DCAF8L1: variants seen among roughly 807,000 people sequenced by gnomAD.
The protein encoded by DCAF8L1 is DDB1- and CUL4-associated factor 8-like protein 1.
For missense variants in DCAF8L1, 434 were observed against 481.6 expected, an observed-to-expected ratio of 0.90 and a Z score of 0.92; for synonymous variants, 217 against 186.8, an observed-to-expected ratio of 1.16 and a Z score of -1.32.
chrX:27,978,816 C>T lies in DCAF8L1; in HGVS notation c.*716G>A. Reference sequence around the variant, plus strand: ...TAGCTGGCCAGGAGCTCTGTGCCATCGTGGCTGTACACAATGCAGGTGATG... The same window carrying T: ...TAGCTGGCCAGGAGCTCTGTGCCATTGTGGCTGTACACAATGCAGGTGATG... On this transcript the variant is annotated 3_prime_UTR_variant, in exon 1 of 1. Coordinates refer to ENST00000441525, the MANE Select transcript of DCAF8L1 (RefSeq NM_001017930.2). 3.3e-6 allele frequency: 3 copies of T among 907,645 alleles called. No individual in the cohort carries two copies. The highest frequency in any genetic ancestry group is 4.1e-5 in the South Asian group (2 of 48,737). 74.8% of individuals were successfully genotyped at this position (907,645 alleles called of 1,213,427 possible).
Position 27,979,700 on chromosome X carries a change from G to A in DCAF8L1, c.1635C>T (p.Asn545=). 2 of 1,211,491 alleles carry A rather than the reference G, an allele frequency of 1.7e-6. No individual in the cohort carries two copies. Among genetic ancestry groups the A allele is most frequent in the East Asian group, 3.0e-5 (1 of 33,803 alleles). The part of the protein sequence containing the change: ...DNLNYTDSFD[N]RMLRFFVRHL... ...GACGCACGAAGAACCGAAGCATGCG[G>A]TTGTCAAACGAGTCCGTATAGTTCA... Residue 545 remains asparagine, a synonymous_variant, in exon 1 of 1, where the codon AAC becomes AAT. Coordinates refer to ENST00000441525, the MANE Select transcript of DCAF8L1 (RefSeq NM_001017930.2).
rs757330204 is a variant in DCAF8L1 at position 27,979,579 on chromosome X, T to C, written c.1756A>G (p.Thr586Ala). ...CGATCTTGGCCCTCCTCCTCGGATGTATCTGAGGTGCTGGAAGACTCATCC... is the reference window on the plus strand; with the variant it reads ...CGATCTTGGCCCTCCTCCTCGGATGCATCTGAGGTGCTGGAAGACTCATCC... ...ELDESSSTSD[T>A]SEEEGQDRVQ... The change falls in exon 1 of 1, where the codon ACA becomes GCA. Residue 586 changes from threonine (T) to alanine (A), a missense_variant. By Grantham distance (58) the Thr-to-Ala change is moderately conservative. Coordinates refer to ENST00000441525, the MANE Select transcript of DCAF8L1 (RefSeq NM_001017930.2). The C allele has an allele frequency of 2.3e-5, 28 of 1,209,322 alleles. No homozygotes were observed. The Admixed American group carries it at 2.6e-4, about 11-fold the overall frequency.
chrX:27,980,038 C>T lies in DCAF8L1; in HGVS notation c.1297G>A (p.Gly433Arg), dbSNP rs1926604437. The T allele has an allele frequency of 2.5e-6, 3 of 1,208,925 alleles. No homozygotes were observed. The highest frequency in any genetic ancestry group is 4.4e-5 in the Admixed American group (2 of 45,569). The stretch of plus-strand genomic sequence containing the variant: ...TTGATTGTGTCATTATTTCTGTGCC[C>T]CTTATATCTCTTAACATATTGAGCA... ...DGAQYVKRYK[G>R]HRNNDTIKCV... is the part of the protein sequence containing the mutation. Residue 433 changes from glycine (G) to arginine (R), a missense_variant, in exon 1 of 1, where the codon GGG becomes AGG. Coordinates refer to ENST00000441525, the MANE Select transcript of DCAF8L1 (RefSeq NM_001017930.2).
At position 27,981,191 on chromosome X, in the gene DCAF8L1, G is replaced by A. The variant is rs147579544; in HGVS notation, c.144C>T (p.Thr48=). Residue 48 remains threonine, a synonymous_variant, in exon 1 of 1, where the codon ACC becomes ACT. Transcript: ENST00000441525. ...DIEMAATEPS[T]GDGGDTRDGG... is the part of the protein sequence containing the mutation. ...CATCCCTGGTATCACCACCATCTCC[G>A]GTCGATGGCTCTGTGGCTGCCATTT... 5.8e-4 allele frequency: 699 copies of A among 1,209,795 alleles called. 3 individuals carry two copies. The Middle Eastern group carries it at 0.023, about 39-fold the overall frequency.
In DCAF8L1 at chrX:27,978,915, C is replaced by G. The variant is rs1926579630; in HGVS notation, c.*617G>C. The G allele has an allele frequency of 1.3e-6, 1 of 777,811 alleles. No individual in the cohort carries two copies. 64.1% of individuals were successfully genotyped at this position (777,811 alleles called of 1,213,427 possible). On this transcript the variant is annotated 3_prime_UTR_variant, in exon 1 of 1. Coordinates refer to ENST00000441525, the MANE Select transcript of DCAF8L1 (RefSeq NM_001017930.2). ...AGTACTCCATTGTTTTCTTTCTCATCAATTCTCCTCTGGTCATAAATCCTT... is the reference window on the plus strand; with the variant it reads ...AGTACTCCATTGTTTTCTTTCTCATGAATTCTCCTCTGGTCATAAATCCTT...
In DCAF8L1 at chrX:27,979,128, ATGTG is replaced by A. The variant is rs1395037863; in HGVS notation, c.*400_*403del. ...CTTTTCCTTTTCTGAGACTGTGTGT[ATGTG>A]TGTGTCAGTATTCAAAGAACTATGG... On this transcript the variant is annotated 3_prime_UTR_variant, in exon 1 of 1. Coordinates refer to ENST00000441525, the MANE Select transcript of DCAF8L1 (RefSeq NM_001017930.2). The A allele has an allele frequency of 1.8e-5, 5 of 284,515 alleles. No homozygotes were observed. Among genetic ancestry groups the A allele is most frequent in the Admixed American group, 1.1e-4 (2 of 17,852 alleles). The allele number at this position is 284,515 out of a possible 1,213,427, so 23.4% of individuals were successfully genotyped here.
chrX:27,979,101 C>A lies in DCAF8L1; in HGVS notation c.*431G>T, dbSNP rs773926836. 5.4e-4 allele frequency: 166 copies of A among 309,469 alleles called. 1 individual carries two copies. The highest frequency in any genetic ancestry group is 3.9e-3 in the African/African-American group (148 of 37,610). The allele number at this position is 309,469 out of a possible 1,213,427, so 25.5% of individuals were successfully genotyped here. ...TTAGGAATTAATCTACACACTACTT[C>A]TCTTTTCCTTTTCTGAGACTGTGTG... is the stretch of plus-strand genomic sequence containing the variant. On this transcript the variant is annotated 3_prime_UTR_variant, in exon 1 of 1. Coordinates refer to ENST00000441525, the MANE Select transcript of DCAF8L1 (RefSeq NM_001017930.2).
chrX:27,981,290 C>T lies in DCAF8L1; in HGVS notation c.45G>A (p.Val15=), dbSNP rs1374880745. The T allele has an allele frequency of 8.3e-7, 1 of 1,210,476 alleles. No individual in the cohort carries two copies. The highest frequency in any genetic ancestry group is 1.7e-5 in the African/African-American group (1 of 57,459). The change falls in exon 1 of 1, where the codon GTG becomes GTA. Residue 15 remains valine (V), a synonymous_variant. Transcript: ENST00000441525. ...CTGGGCTGCTGAACAGGCTTTCAGT[C>T]ACTAAGTCTGGTAAGCCACCTGTGC... ...EGSTGGLPDL[V]TESLFSSPEE...
chrX:27,981,101 G>A lies in DCAF8L1; in HGVS notation c.234C>T (p.Asp78=). The A allele has an allele frequency of 1.7e-6, 2 of 1,211,639 alleles. No individual in the cohort carries two copies. The highest frequency in any genetic ancestry group is 1.8e-5 in the South Asian group (1 of 56,993). Residue 78 remains aspartate (D), a synonymous_variant, in exon 1 of 1, where the codon GAC becomes GAT. Coordinates refer to ENST00000441525, the MANE Select transcript of DCAF8L1 (RefSeq NM_001017930.2). ...QNTDSESSSE[D]VELESMGEGL... ...CTTCACCCATGCTTTCAAGTTCGAC[G>A]TCTTCACTTGAACTTTCTGAGTCTG...
At position 27,981,403 on chromosome X, in the gene DCAF8L1, G is replaced by A. The variant is rs1034963493; in HGVS notation, c.-69C>T. 3.5e-6 allele frequency: 4 copies of A among 1,152,426 alleles called. No homozygotes were observed. 95.0% of individuals were successfully genotyped at this position (1,152,426 alleles called of 1,213,427 possible). On this transcript the variant is annotated 5_prime_UTR_variant, in exon 1 of 1. Coordinates refer to ENST00000441525, the MANE Select transcript of DCAF8L1 (RefSeq NM_001017930.2). Reference sequence around the variant, plus strand: ...AACCCCTAAAAGCTCAGGGAAGAGAGCACGCCTGCCCCGAGGACGGACGGT... The same window carrying A: ...AACCCCTAAAAGCTCAGGGAAGAGAACACGCCTGCCCCGAGGACGGACGGT...
At position 27,978,753 on chromosome X, in the gene DCAF8L1, T is replaced by C; in HGVS notation, c.*779A>G. 1.8e-6 allele frequency: 1 copy of C among 561,666 alleles called. No individual in the cohort carries two copies. Among genetic ancestry groups the C allele is most frequent in the Non-Finnish European group, 2.8e-6 (1 of 359,862 alleles). The allele number at this position is 561,666 out of a possible 1,213,427, so 46.3% of individuals were successfully genotyped here. ...AATTCATCTACACACTACTTCTTGT[T>C]TTCCTTTTCTAAGGCTCTGTGTGTA... On this transcript the variant is annotated 3_prime_UTR_variant, in exon 1 of 1. Coordinates refer to ENST00000441525, the MANE Select transcript of DCAF8L1 (RefSeq NM_001017930.2).
chrX:27,978,765 A>G lies in DCAF8L1; in HGVS notation c.*767T>C. 1.6e-6 allele frequency: 1 copy of G among 616,561 alleles called. No homozygotes were observed. The highest frequency in any genetic ancestry group is 2.5e-6 in the Non-Finnish European group (1 of 404,797). 50.8% of individuals were successfully genotyped at this position (616,561 alleles called of 1,213,427 possible). ...CACTACTTCTTGTTTTCCTTTTCTA[A>G]GGCTCTGTGTGTATGTGTGTGTGCA... On this transcript the variant is annotated 3_prime_UTR_variant, in exon 1 of 1. Coordinates refer to ENST00000441525, the MANE Select transcript of DCAF8L1 (RefSeq NM_001017930.2).
Position 27,980,609 on chromosome X carries a change from G to A in DCAF8L1, c.726C>T (p.Val242=), listed in dbSNP as rs1194172839. The change falls in exon 1 of 1, where the codon GTC becomes GTT. Residue 242 remains valine, a synonymous_variant. Coordinates refer to ENST00000441525, the MANE Select transcript of DCAF8L1 (RefSeq NM_001017930.2). ...LNFESGHDIN[V]IQAKFFPNCG... is the part of the protein sequence containing the mutation. ...AGTTAGGAAAGAACTTAGCCTGGAT[G>A]ACATTAATATCGTGACCACTCTCAA... 1 of 1,212,199 alleles carries A rather than the reference G, an allele frequency of 8.2e-7. No individual in the cohort carries two copies. The highest frequency in any genetic ancestry group is 1.1e-6 in the Non-Finnish European group (1 of 895,659).
chrX:27,980,830 T>C lies in DCAF8L1; in HGVS notation c.505A>G (p.Ser169Gly). 9 of 1,210,835 alleles carry C rather than the reference T, an allele frequency of 7.4e-6. No homozygotes were observed. The highest frequency in any genetic ancestry group is 1.0e-5 in the Non-Finnish European group (9 of 894,921). The change falls in exon 1 of 1, where the codon AGT becomes GGT. Residue 169 changes from serine (S) to glycine (G), a missense_variant. Ser to Gly is a moderately conservative substitution (Grantham distance 56). Transcript: ENST00000441525. ...TALRQRQLGS[S>G]ARFVYEACGA... ...CAGGCCTCATATACAAAGCGGGCAC[T>C]TGAACCCAGCTGCCGCTGGCGAAGA...
rs142088230 is a variant in DCAF8L1 at position 27,981,219 on chromosome X, A to G, written c.116T>C (p.Ile39Thr). 84 of 1,209,043 alleles carry G rather than the reference A, an allele frequency of 6.9e-5. No individual in the cohort carries two copies. The highest frequency in any genetic ancestry group is 1.1e-4 in the Admixed American group (5 of 45,582). The change falls in exon 1 of 1, where the codon ATT (isoleucine) becomes ACT (threonine). Residue 39 changes from isoleucine (I) to threonine (T), a missense_variant. Transcript: ENST00000441525. ...VAAVTAASSD[I>T]EMAATEPSTG... ...CGATGGCTCTGTGGCTGCCATTTCA[A>G]TGTCTGAGGAGGCCGCCGTCACCGC...
Position 27,980,224 on chromosome X carries a change from C to A in DCAF8L1, c.1111G>T (p.Glu371Ter). The change falls in exon 1 of 1, where the codon GAA (glutamate) becomes TAA (stop). Residue 371 changes from glutamate to a stop codon, truncating the protein, a stop_gained. Transcript: ENST00000441525. LOFTEE classifies it low-confidence loss of function (END_TRUNC). ...AATTTCTTGAGTACTCCATTGTTTT[C>A]TTTCTTATCAATTCTCCTCTGGTCA... ...IYDQRRIDKK[E>*]NNGVLKKFTP... 8.3e-7 allele frequency: 1 copy of A among 1,211,822 alleles called. No individual in the cohort carries two copies. Among genetic ancestry groups the A allele is most frequent in the Non-Finnish European group, 1.1e-6 (1 of 895,578 alleles).
rs375651987 is a variant in DCAF8L1, at chrX:27,980,921, C to T, written c.414G>A (p.Ala138=). Residue 138 remains alanine (A), a synonymous_variant, in exon 1 of 1, where the codon GCG becomes GCA. Coordinates refer to ENST00000441525, the MANE Select transcript of DCAF8L1 (RefSeq NM_001017930.2). ...TCTCTGAGGAAATCCACTCCTCCAA[C>T]GCCTGATCCTCGTCTAACAAACACT... The part of the protein sequence containing the change: ...HDQCLLDEDQ[A]LEEWISSETS... 1.2e-5 allele frequency: 14 copies of T among 1,210,236 alleles called. No homozygotes were observed. The Admixed American group carries it at 1.3e-4, about 11-fold the overall frequency.
chrX:27,980,917 C>G lies in DCAF8L1; in HGVS notation c.418G>C (p.Glu140Gln). ...GATGTCTCTGAGGAAATCCACTCCT[C>G]CAACGCCTGATCCTCGTCTAACAAA... is the stretch of plus-strand genomic sequence containing the variant. Reference protein sequence around the residue: ...QCLLDEDQALEEWISSETSAL... With the variant: ...QCLLDEDQALQEWISSETSAL... The change falls in exon 1 of 1, where the codon GAG (glutamate) becomes CAG (glutamine). Residue 140 changes from glutamate (E) to glutamine (Q), a missense_variant. Physicochemically the swap from Glu to Gln is conservative, Grantham distance 29. Coordinates refer to ENST00000441525, the MANE Select transcript of DCAF8L1 (RefSeq NM_001017930.2). 1 of 1,211,739 alleles carries G rather than the reference C, an allele frequency of 8.3e-7. No homozygotes were observed. Among genetic ancestry groups the G allele is most frequent in the African/African-American group, 1.7e-5 (1 of 57,889 alleles).
In DCAF8L1 at chrX:27,981,415, C is replaced by A. The variant is rs747913922; in HGVS notation, c.-81G>T. On this transcript the variant is annotated 5_prime_UTR_variant, in exon 1 of 1. Coordinates refer to ENST00000441525, the MANE Select transcript of DCAF8L1 (RefSeq NM_001017930.2). ...CTCAGGGAAGAGAGCACGCCTGCCCCGAGGACGGACGGTCGGAGAAGGCAG... is the reference window on the plus strand; with the variant it reads ...CTCAGGGAAGAGAGCACGCCTGCCCAGAGGACGGACGGTCGGAGAAGGCAG... 2.6e-5 allele frequency: 29 copies of A among 1,121,566 alleles called. No individual in the cohort carries two copies. The highest frequency in any genetic ancestry group is 5.8e-5 in the Admixed American group (2 of 34,290). 92.4% of individuals were successfully genotyped at this position (1,121,566 alleles called of 1,213,427 possible). A position where few individuals can be genotyped will look rare whatever the true frequency, so the allele number is the denominator to read the frequency against.
Sources: gnomAD v4.1 joint callset for allele counts on GRCh38, gnomAD v4.1.1 for gene constraint, MANE v1.5 for transcripts, NCBI Gene and HGNC (gene_info 2026-07-23, HGNC 2026-07-21) for gene names.